Variants in CACNA1C observed in about 807,000 individuals in gnomAD.
CACNA1C encodes calcium voltage-gated channel subunit alpha1 C.
In CACNA1C, 30 loss-of-function variants were observed where a neutral mutation model predicts 229.0. The observed-to-expected ratio is 0.13, with a 90% CI of 0.10 to 0.18. CACNA1C has a LOEUF of 0.18. Among genes scored for constraint, CACNA1C ranks in the 10% least tolerant of loss-of-function variants. The pLI, the probability that CACNA1C is intolerant of heterozygous loss-of-function variation, is 1.00. For missense variants in CACNA1C, 1,658 were observed against 2,845.0 expected (o/e 0.58, Z 9.49); for synonymous variants, 1,114 against 1,132.5 (o/e 0.98, Z 0.33).
intron 1 of CACNA1C, among the ~76,000 whole-genome samples, chr12:1,987,509 C>T (rs546304968): frequency 6.6e-6 from 1 of 152,304 alleles, no homozygotes; most frequent in East Asian, 1.9e-4. Flanking sequence ...GAACCCTTCT[C>T]TAGTCACTCC....
intron 3 of CACNA1C, among the ~76,000 whole-genome samples, chr12:2,446,322 G>A (rs1444452772): frequency 7.4e-5 from 11 of 148,646 alleles, no homozygotes; most frequent in Admixed American, 7.4e-4. Flanking sequence ...TAGATGGGTG[G>A]TTGGATGGTG....
At chr12:2,335,679 T>G (rs1447573493) in intron 3 of CACNA1C, among the ~76,000 whole-genome samples, 2 of 152,070 alleles carry the variant, frequency 1.3e-5, no homozygotes, top group Non-Finnish European at 2.9e-5. Context: ...GCCCTCCCTT[T>G]GAGTGCTTCC....
chr12:2,400,592 C>T (rs796197042), intron 3 of CACNA1C, among the ~76,000 whole-genome samples: 3 of 152,316 alleles, frequency 2.0e-5, no homozygotes, highest in African/African-American at 4.8e-5. Context: ...ATGCAAATAA[C>T]GTGCTTAGCA....
intron 3 of CACNA1C, among the ~76,000 whole-genome samples, chr12:2,163,025 C>A (rs2095981268): frequency 6.6e-6 from 1 of 151,826 alleles, no homozygotes; most frequent in East Asian, 1.9e-4. Flanking sequence ...ATGGAGAAAC[C>A]CCATCTCTAC....
chr12:2,639,605 G>A lies in CACNA1C; in HGVS notation c.3912+5225G>A, dbSNP rs1202803947. Among the ~76,000 whole-genome samples the A allele has an allele frequency of 6.6e-6, 1 of 152,164 alleles. No homozygotes were observed. The highest frequency in any genetic ancestry group is 1.9e-4 in the East Asian group (1 of 5,198). ...TTGAATGCAAAAGTGAGGAGTGAGAGGTTTAGGATGGTCTCTTGCAACTCT... is the reference window on the plus strand; with the variant it reads ...TTGAATGCAAAAGTGAGGAGTGAGAAGTTTAGGATGGTCTCTTGCAACTCT... On this transcript the variant is annotated intron_variant, in intron 30 of 46. Transcript: ENST00000399655. This position sits in a 1 kb window ranked among gnomAD's most constrained non-coding sequence, Gnocchi z 4.2.
Position 2,668,673 on chromosome 12 carries a change from G to C in CACNA1C, c.4624-260G>C, listed in dbSNP as rs1050204147. On this transcript the variant is annotated intron_variant, in intron 37 of 46. Coordinates refer to ENST00000399655, the MANE Select transcript of CACNA1C (RefSeq NM_000719.7). ...CAGACAGGGAGCAAGAGAGAAGGGGGAGGGACCACACACTTACTTAAACAA... is the reference window on the plus strand; with the variant it reads ...CAGACAGGGAGCAAGAGAGAAGGGGCAGGGACCACACACTTACTTAAACAA... 5.8e-5 allele frequency: 25 copies of C among 428,126 alleles called. 1 individual carries two copies. Among genetic ancestry groups the C allele is most frequent in the Non-Finnish European group, 9.4e-5 (22 of 235,228 alleles). The allele number at this position is 428,126 out of a possible 1,614,324, so 26.5% of individuals were successfully genotyped here.
At chr12:2,175,929 G>T (rs181440230) in intron 3 of CACNA1C, among the ~76,000 whole-genome samples, 1 of 152,240 alleles carries the variant, frequency 6.6e-6, no homozygotes, top group Admixed American at 6.5e-5. Flanking sequence ...GCTGGGTATC[G>T]TTCTAACATC....
chr12:2,578,907 C>T (rs1324876294), intron 13 of CACNA1C, among the ~76,000 whole-genome samples: 1 of 152,108 alleles, frequency 6.6e-6, no homozygotes, highest in Non-Finnish European at 1.5e-5. Flanking sequence ...GAGATCCCTG[C>T]TAGTTTCCAT....
chr12:2,004,269 C>T (rs1254394259), intron 1 of CACNA1C: 6 of 1,612,860 alleles, frequency 3.7e-6, no homozygotes, highest in Non-Finnish European at 5.1e-6. Context: ...TGCTCCGCCG[C>T]GTCCGCACGC....
intron 7 of CACNA1C, among the ~76,000 whole-genome samples, chr12:2,499,001 CTTG>C (rs921801760): frequency 2.6e-5 from 4 of 152,082 alleles, no homozygotes; most frequent in African/African-American, 9.7e-5. Flanking sequence ...GTGTTAGGAG[CTTG>C]TTGTTTTCTT....
Position 2,566,643 on chromosome 12 carries a change from G to A in CACNA1C, c.1669+61G>A. On this transcript the variant is annotated intron_variant, in intron 12 of 46. Transcript: ENST00000399655. The surrounding 1 kb of genome is among the most constrained non-coding windows in gnomAD (Gnocchi z 4.0). The stretch of plus-strand genomic sequence containing the variant: ...CTGGTAACTCAGCCCCAAGGCCCAG[G>A]GGAGGGCATAACCACAGGCAGAAGG... 7.0e-7 allele frequency: 1 copy of A among 1,426,520 alleles called. No individual in the cohort carries two copies. Among genetic ancestry groups the A allele is most frequent in the Non-Finnish European group, 9.6e-7 (1 of 1,046,028 alleles). The allele number at this position is 1,426,520 out of a possible 1,614,324, so 88.4% of individuals were successfully genotyped here.
chr12:2,554,289 G>A (rs1182326731), intron 10 of CACNA1C, among the ~76,000 whole-genome samples: 1 of 152,194 alleles, frequency 6.6e-6, no homozygotes, highest in Admixed American at 6.5e-5. Context: ...GGTGGAGAAA[G>A]TATCTGGGGT....
At chr12:2,265,255 C>G (rs2081927909) in intron 3 of CACNA1C, among the ~76,000 whole-genome samples, 1 of 152,194 alleles carries the variant, frequency 6.6e-6, no homozygotes, top group Non-Finnish European at 1.5e-5. Flanking sequence ...CTAGGTGAAG[C>G]ACTCCCGACC....
chr12:2,532,145 T>C (rs940502869), intron 9 of CACNA1C, among the ~76,000 whole-genome samples: 1 of 152,194 alleles, frequency 6.6e-6, no homozygotes, highest in Admixed American at 6.5e-5. Flanking sequence ...TATGTTTCCA[T>C]GAGGGGTTGT....
At chr12:2,511,475 G>A (rs2099783695) in intron 8 of CACNA1C, among the ~76,000 whole-genome samples, 1 of 152,128 alleles carries the variant, frequency 6.6e-6, no homozygotes, top group African/African-American at 2.4e-5. Context: ...AATTCTCCAA[G>A]GTGCTTCCAG....
At chr12:2,130,199 T>C (rs950024607) in intron 3 of CACNA1C, among the ~76,000 whole-genome samples, 39 of 151,262 alleles carry the variant, frequency 2.6e-4, no homozygotes, top group African/African-American at 8.7e-4. Context: ...CTTTCTTTTT[T>C]TTTTTTTTTT....
chr12:2,293,037 C>T (rs2093667962), intron 3 of CACNA1C, among the ~76,000 whole-genome samples: 1 of 152,046 alleles, frequency 6.6e-6, no homozygotes, highest in Non-Finnish European at 1.5e-5. Context: ...TGATATATGC[C>T]CAGGCACAAA....
chr12:2,033,166 C>T (rs1334916663), intron 1 of CACNA1C, among the ~76,000 whole-genome samples: 1 of 152,142 alleles, frequency 6.6e-6, no homozygotes, highest in Non-Finnish European at 1.5e-5. Context: ...TTCTCCATTC[C>T]TTGACGTACA....
chr12:2,582,376 C>T (rs1177741277), intron 14 of CACNA1C, among the ~76,000 whole-genome samples: 1 of 152,108 alleles, frequency 6.6e-6, no homozygotes, highest in Non-Finnish European at 1.5e-5. Context: ...AGTTTAAAAG[C>T]AGATCGATTG....
Sources: allele counts gnomAD v4.1 joint callset (sites outside exome capture counted in the v4.1 genomes callset), GRCh38; gene constraint gnomAD v4.1.1; non-coding constraint Gnocchi (gnomAD v3.1); transcripts MANE v1.5; gene names NCBI Gene and HGNC (gene_info 2026-07-23, HGNC 2026-07-21).